The following SLC71A2 variants were observed in gnomAD, a reference collection of about 807,000 sequenced individuals.
SLC71A2 encodes the protein solute carrier family 71 member 2, also known as hippocampus abundant transcript-like 1.
At chr9:94,391,659 G>A in the SLC71A2 span, among the ~76,000 whole-genome samples, 41 of 149,238 alleles carry the variant, frequency 2.7e-4, no homozygotes, top group Non-Finnish European at 8.9e-5. Context: ...AGGTTGAGGC[G>A]GGCGGATTGC....
At chr9:94,428,101 G>A in the SLC71A2 span, among the ~76,000 whole-genome samples, 2 of 150,952 alleles carry the variant, frequency 1.3e-5, no homozygotes, top group Non-Finnish European at 2.9e-5. Flanking sequence ...CCAGCCTGGC[G>A]AAGAGTGAGA....
the SLC71A2 span, among the ~76,000 whole-genome samples, chr9:94,393,716 T>C: frequency 1.4e-5 from 2 of 147,782 alleles, no homozygotes; most frequent in Admixed American, 6.9e-5. Context: ...GGTATGTATA[T>C]ATAATGTGCT....
At chr9:94,458,206 C>CCTT in the SLC71A2 span, 2 of 869,370 alleles carry the variant, frequency 2.3e-6, no homozygotes, top group Non-Finnish European at 3.5e-6. Flanking sequence ...CATGCTTTCT[C>CCTT]TTTTCCTCAG....
At chr9:94,406,121 G>A in the SLC71A2 span, among the ~76,000 whole-genome samples, 1 of 122,198 alleles carries the variant, frequency 8.2e-6, no homozygotes, top group Non-Finnish European at 1.6e-5. Flanking sequence ...AGGCTGGAGT[G>A]TAGTGGGGTG....
the SLC71A2 span, among the ~76,000 whole-genome samples, chr9:94,388,764 T>A: frequency 6.6e-6 from 1 of 152,154 alleles, no homozygotes; most frequent in African/African-American, 2.4e-5. Flanking sequence ...ATATAATTTC[T>A]TGCCTGTTTC....
chr9:94,412,511 A>G, the SLC71A2 span, among the ~76,000 whole-genome samples: 1 of 152,160 alleles, frequency 6.6e-6, no homozygotes, highest in Admixed American at 6.5e-5. Context: ...ATGTTCATAC[A>G]AAAACTTGTA....
At chr9:94,405,323 G>A in the SLC71A2 span, among the ~76,000 whole-genome samples, 4 of 151,866 alleles carry the variant, frequency 2.6e-5, no homozygotes, top group Admixed American at 6.6e-5. Flanking sequence ...GTGAAACCCC[G>A]TCTTTACTAA....
At chr9:94,431,577 G>A in the SLC71A2 span, among the ~76,000 whole-genome samples, 7 of 151,518 alleles carry the variant, frequency 4.6e-5, no homozygotes, top group Admixed American at 3.9e-4. Context: ...ATGCCCAACA[G>A]TAATTATGTT....
chr9:94,404,125 T>C, the SLC71A2 span, among the ~76,000 whole-genome samples: 5 of 152,298 alleles, frequency 3.3e-5, no homozygotes, highest in Middle Eastern at 0.01. Context: ...CCTCCAAAAC[T>C]GAGAAAATAA....
At chr9:94,442,352 A>G in the SLC71A2 span, among the ~76,000 whole-genome samples, 2 of 152,184 alleles carry the variant, frequency 1.3e-5, no homozygotes, top group South Asian at 4.2e-4. Context: ...GTAGTTTGAA[A>G]ACTACTCTTT....
the SLC71A2 span, among the ~76,000 whole-genome samples, chr9:94,421,258 G>A: frequency 3.9e-5 from 6 of 151,988 alleles, no homozygotes; most frequent in Admixed American, 2.0e-4. Flanking sequence ...AGTATAATGT[G>A]TACAGAAAGA....
At chr9:94,417,238 GT>G in the SLC71A2 span, among the ~76,000 whole-genome samples, 2 of 152,084 alleles carry the variant, frequency 1.3e-5, no homozygotes, top group Non-Finnish European at 2.9e-5. Flanking sequence ...CATTTTCACT[GT>G]TTTGAAGTAT....
chr9:94,424,174 G>T, the SLC71A2 span, among the ~76,000 whole-genome samples: 1 of 151,588 alleles, frequency 6.6e-6, no homozygotes, highest in Non-Finnish European at 1.5e-5. Context: ...TTAGTATTCT[G>T]TTGAGCTATA....
chr9:94,408,346 T>G, the SLC71A2 span, among the ~76,000 whole-genome samples: 1 of 152,188 alleles, frequency 6.6e-6, no homozygotes, highest in Admixed American at 6.5e-5. Context: ...TAGGGTTTGG[T>G]ACTTTTCGAG....
At chr9:94,419,825 T>C in the SLC71A2 span, among the ~76,000 whole-genome samples, 5 of 152,242 alleles carry the variant, frequency 3.3e-5, no homozygotes, top group African/African-American at 9.6e-5. Flanking sequence ...GTGAAGTCTC[T>C]ACAGTATGCA....
the SLC71A2 span, chr9:94,438,422 G>A: frequency 1.9e-6 from 3 of 1,614,050 alleles, no homozygotes; most frequent in South Asian, 2.2e-5. Flanking sequence ...TTTTTTGAGT[G>A]CCCCACTCAT....
chr9:94,377,610 TG>T, the SLC71A2 span, among the ~76,000 whole-genome samples: 1 of 151,142 alleles, frequency 6.6e-6, no homozygotes, highest in South Asian at 2.1e-4. Context: ...CTCAAACTCC[TG>T]GGCTCAAATG....
the SLC71A2 span, among the ~76,000 whole-genome samples, chr9:94,378,126 C>CAAAA: frequency 7.1e-6 from 1 of 141,452 alleles, no homozygotes; most frequent in Non-Finnish European, 1.5e-5. Flanking sequence ...ACTCCATTTC[C>CAAAA]AAAAAAAAAA....
At chr9:94,379,482 T>G in the SLC71A2 span, among the ~76,000 whole-genome samples, 1 of 144,302 alleles carries the variant, frequency 6.9e-6, no homozygotes, top group East Asian at 2.2e-4. Context: ...CTTAAACTCC[T>G]GGGTTCAAAT....
Sources: gnomAD v4.1 joint callset for allele counts (sites outside exome capture counted in the v4.1 genomes callset) on GRCh38, gnomAD v4.1.1 for gene constraint, MANE v1.5 for transcripts, NCBI Gene and HGNC (gene_info 2026-07-23, HGNC 2026-07-21) for gene names.